The following TAFA4 variants were observed in gnomAD, a reference collection of about 807,000 sequenced individuals.
TAFA4 encodes chemokine-like protein TAFA-4.
TAFA4 carries 20 observed loss-of-function variants against 21.1 expected under a neutral mutation model. The ratio of observed to expected loss-of-function variants is 0.95; its 90% CI spans 0.67 to 1.38. The LOEUF (loss-of-function observed/expected upper bound fraction) is 1.38. TAFA4 is among the 40% of genes most tolerant of loss of function. The pLI is 0.00. For missense variants in TAFA4, 211 were observed against 180.9 expected (o/e 1.17, Z -0.95); for synonymous variants, 71 against 67.4 (o/e 1.05, Z -0.26).
intron 1 of TAFA4, among the ~76,000 whole-genome samples, chr3:68,931,954 TTC>T (rs1301252314): frequency 6.6e-6 from 1 of 152,072 alleles, no homozygotes; most frequent in Non-Finnish European, 1.5e-5. Context: ...CCCCCGGGGA[TTC>T]TGTCAGACAT....
At chr3:68,832,944 TC>T (rs1178643722) in intron 3 of TAFA4, among the ~76,000 whole-genome samples, 9 of 152,180 alleles carry the variant, frequency 5.9e-5, no homozygotes, top group Non-Finnish European at 1.3e-4. Context: ...ATCTCCAGCA[TC>T]CCAGGTCAAT....
chr3:68,757,615 A>G, intron 3 of TAFA4, among the ~76,000 whole-genome samples: 1 of 152,232 alleles, frequency 6.6e-6, no homozygotes, highest in Middle Eastern at 3.2e-3. Flanking sequence ...CTCTGTTGCT[A>G]TATAACCATC....
chr3:68,801,837 G>A (rs1354217933), intron 3 of TAFA4, among the ~76,000 whole-genome samples: 1 of 152,064 alleles, frequency 6.6e-6, no homozygotes, highest in Non-Finnish European at 1.5e-5. Context: ...ACCAACCTCT[G>A]ATCAAGATAA....
chr3:68,899,849 T>C (rs951383619), intron 1 of TAFA4, among the ~76,000 whole-genome samples: 2 of 152,090 alleles, frequency 1.3e-5, no homozygotes, highest in African/African-American at 2.4e-5. Flanking sequence ...AAGAAATGCA[T>C]ATAAAAACTC....
intron 3 of TAFA4, among the ~76,000 whole-genome samples, chr3:68,869,099 G>A (rs1287721174): frequency 6.6e-6 from 1 of 151,526 alleles, no homozygotes; most frequent in Non-Finnish European, 1.5e-5. Context: ...CAACAAATTC[G>A]AAAAGCTAAA....
chr3:68,861,632 C>T (rs1169097356), intron 3 of TAFA4, among the ~76,000 whole-genome samples: 2 of 151,988 alleles, frequency 1.3e-5, no homozygotes, highest in Admixed American at 6.6e-5. Context: ...AGAGAAAGGA[C>T]GACATGGTTG....
intron 3 of TAFA4, among the ~76,000 whole-genome samples, chr3:68,846,161 T>C (rs1304667326): frequency 6.6e-6 from 1 of 152,128 alleles, no homozygotes; most frequent in Non-Finnish European, 1.5e-5. Context: ...CAATCAAACG[T>C]AGATTTGTTC....
chr3:68,753,334 G>GTTTTTT lies in TAFA4; in HGVS notation c.131-322_131-317dup, dbSNP rs4065540. 1.2e-3 allele frequency among the ~76,000 whole-genome samples: 136 copies of GTTTTTT among 114,462 alleles called. 6 individuals carry two copies. Among genetic ancestry groups the GTTTTTT allele is most frequent in the African/African-American group, 4.1e-3 (118 of 29,104 alleles). The allele number at this position is 114,462 out of a possible 152,430, so 75.1% of individuals were successfully genotyped here. A position where few individuals can be genotyped will look rare whatever the true frequency, so the allele number is the denominator to read the frequency against. ...TGCAGATGTGACTGAGATTGATAGA[G>GTTTTTT]TTTTTTTTTTTTTTTTTTTGAGAGA... On this transcript the variant is annotated intron_variant, in intron 3 of 5. Transcript: ENST00000295569.
At chr3:68,848,429 T>C (rs1394764442) in intron 3 of TAFA4, among the ~76,000 whole-genome samples, 3 of 152,204 alleles carry the variant, frequency 2.0e-5, no homozygotes, top group African/African-American at 7.2e-5. Flanking sequence ...AGACACAAGA[T>C]ATAACTGGAG....
intron 4 of TAFA4, among the ~76,000 whole-genome samples, chr3:68,742,564 A>C (rs921703546): frequency 6.6e-6 from 1 of 152,150 alleles, no homozygotes; most frequent in Admixed American, 6.5e-5. Context: ...ACCTGAGGTT[A>C]AAAATTATTT....
chr3:68,911,531 G>A (rs2089961892), intron 1 of TAFA4, among the ~76,000 whole-genome samples: 1 of 152,176 alleles, frequency 6.6e-6, no homozygotes, highest in African/African-American at 2.4e-5. Flanking sequence ...TAAATGATTT[G>A]CTCAAGGCCA....
chr3:68,782,633 A>AAGAT (rs1703173553), intron 3 of TAFA4, among the ~76,000 whole-genome samples: 1 of 152,234 alleles, frequency 6.6e-6, no homozygotes, highest in African/African-American at 2.4e-5. Flanking sequence ...AAAAAGAAAA[A>AAGAT]AGACAGACAA....
At chr3:68,766,977 A>C (rs1023825885) in intron 3 of TAFA4, among the ~76,000 whole-genome samples, 4 of 152,190 alleles carry the variant, frequency 2.6e-5, no homozygotes, top group African/African-American at 7.2e-5. Flanking sequence ...AAAGATTTCC[A>C]CACCCAACAA....
At chr3:68,900,217 G>A (rs1000043438) in intron 1 of TAFA4, among the ~76,000 whole-genome samples, 1 of 148,456 alleles carries the variant, frequency 6.7e-6, no homozygotes, top group Admixed American at 6.7e-5. Flanking sequence ...ACTTCAGCTT[G>A]GGTGACAGAG....
intron 3 of TAFA4, among the ~76,000 whole-genome samples, chr3:68,857,794 C>A (rs1705103260): frequency 6.8e-6 from 1 of 148,102 alleles, no homozygotes. Flanking sequence ...GCTTTGGAAA[C>A]TAACATCATT....
intron 1 of TAFA4, among the ~76,000 whole-genome samples, chr3:68,909,476 C>T (rs1184301280): frequency 6.6e-6 from 1 of 152,120 alleles, no homozygotes; most frequent in Non-Finnish European, 1.5e-5. Flanking sequence ...GTGAATGGCT[C>T]AATCAACCCA....
intron 3 of TAFA4, among the ~76,000 whole-genome samples, chr3:68,874,108 T>C (rs947250647): frequency 2.6e-5 from 4 of 152,200 alleles, no homozygotes; most frequent in Admixed American, 1.3e-4. Context: ...CAGAGCCCAG[T>C]TGGAGACACC....
At chr3:68,743,687 C>T (rs1011010206) in intron 4 of TAFA4, among the ~76,000 whole-genome samples, 3 of 152,026 alleles carry the variant, frequency 2.0e-5, no homozygotes, top group Admixed American at 2.0e-4. Flanking sequence ...CTTCTACTTA[C>T]TGTTCCTCTT....
chr3:68,758,235 T>G (rs12633144), intron 3 of TAFA4, among the ~76,000 whole-genome samples: 1 of 152,146 alleles, frequency 6.6e-6, no homozygotes, highest in East Asian at 1.9e-4. Flanking sequence ...GTTTGTGTGA[T>G]TCCATACAGT....
Sources: gnomAD v4.1 joint callset for allele counts (sites outside exome capture counted in the v4.1 genomes callset) on GRCh38, gnomAD v4.1.1 for gene constraint, MANE v1.5 for transcripts, NCBI Gene and HGNC (gene_info 2026-07-23, HGNC 2026-07-21) for gene names.